The following TLN2 variants were observed in gnomAD, a reference collection of about 807,000 sequenced individuals.
The protein encoded by TLN2 is talin 2.
Under a neutral mutation model 294.7 loss-of-function variants are expected in TLN2, and 118 were observed. The observed-to-expected ratio is 0.40, with a 90% CI of 0.34 to 0.47. TLN2 has a LOEUF of 0.47. Ranked by LOEUF, TLN2 falls within the 20% of genes least tolerant of loss-of-function variation. TLN2 has a pLI of 0.84. For missense variants in TLN2, 3,083 were observed against 3,282.2 expected, an observed-to-expected ratio of 0.94 and a Z score of 1.48; for synonymous variants, 1,431 against 1,304.5, an observed-to-expected ratio of 1.10 and a Z score of -2.09.
intron 1 of TLN2, among the ~76,000 whole-genome samples, chr15:62,485,624 G>A (rs1313658523): frequency 6.6e-6 from 1 of 152,204 alleles, no homozygotes. Flanking sequence ...AATGAAGTGG[G>A]TGGGGACATT....
At chr15:62,529,855 G>T (rs907530140) in intron 1 of TLN2, among the ~76,000 whole-genome samples, 1 of 152,078 alleles carries the variant, frequency 6.6e-6, no homozygotes, top group Non-Finnish European at 1.5e-5. Flanking sequence ...TAACTTATTC[G>T]CCCAGTTCCC....
rs144455448 is a variant in TLN2, at chr15:62,722,476, G to T, written c.3115G>T (p.Ala1039Ser). 2.5e-6 allele frequency: 4 copies of T among 1,610,814 alleles called. No individual in the cohort carries two copies. In the African/African-American group the frequency reaches 5.3e-5, roughly 22 times the overall value. Residue 1039 changes from alanine (A) to serine (S), a missense_variant, in exon 26 of 59, where the codon GCC (alanine) becomes TCC (serine). By Grantham distance (99) the Ala-to-Ser change is moderately conservative (BLOSUM62 1). Transcript: ENST00000636159. Reference sequence around the variant, plus strand: ...CACCAGCTTGGCGGAGCTGCGTACCGCCTCGCAGAAGGCAAGTGGAGCGTG... The same window carrying T: ...CACCAGCTTGGCGGAGCTGCGTACCTCCTCGCAGAAGGCAAGTGGAGCGTG... Reference protein sequence around the residue: ...LATSLAELRTASQKAHEACGP... With the variant: ...LATSLAELRTSSQKAHEACGP...
chr15:62,481,239 T>C (rs935591719), intron 1 of TLN2, among the ~76,000 whole-genome samples: 1 of 151,974 alleles, frequency 6.6e-6, no homozygotes, highest in East Asian at 1.9e-4. Context: ...TTTCTCTTGC[T>C]GAGAGAGTCT....
intron 11 of TLN2, among the ~76,000 whole-genome samples, chr15:62,677,090 A>C (rs2056297539): frequency 6.6e-6 from 1 of 152,184 alleles, no homozygotes; most frequent in South Asian, 2.1e-4. Flanking sequence ...AGAGGTAGTC[A>C]CCTGCTTCCA....
chr15:62,585,743 A>C (rs976446526), intron 1 of TLN2, among the ~76,000 whole-genome samples: 1 of 152,170 alleles, frequency 6.6e-6, no homozygotes, highest in Non-Finnish European at 1.5e-5. Context: ...ATAAGCTCCT[A>C]TTTGCTTGGA....
chr15:62,506,598 G>T (rs1047112867), intron 1 of TLN2, among the ~76,000 whole-genome samples: 1 of 152,192 alleles, frequency 6.6e-6, no homozygotes, highest in South Asian at 2.1e-4. Flanking sequence ...TCCCATGGAG[G>T]TTGGGGGAGT....
intron 1 of TLN2, among the ~76,000 whole-genome samples, chr15:62,550,227 C>T (rs952957875): frequency 6.6e-6 from 1 of 152,000 alleles, no homozygotes; most frequent in African/African-American, 2.4e-5. Flanking sequence ...ATGTAATGTC[C>T]AACAGAGCAT....
intron 22 of TLN2, among the ~76,000 whole-genome samples, chr15:62,713,774 G>A (rs4775531): frequency 6.6e-6 from 1 of 152,016 alleles, no homozygotes; most frequent in Non-Finnish European, 1.5e-5. Flanking sequence ...AGAGTTCTTA[G>A]AGACACCTCG....
intron 37 of TLN2, among the ~76,000 whole-genome samples, chr15:62,760,543 C>T (rs2062596561): frequency 6.6e-6 from 1 of 152,142 alleles, no homozygotes; most frequent in Non-Finnish European, 1.5e-5. Context: ...CTTCTGCAAA[C>T]ATAACTGCCT....
In TLN2 at chr15:62,841,116, C is replaced by T. The variant is rs1425601877; in HGVS notation, c.*506C>T. On this transcript the variant is annotated 3_prime_UTR_variant, in exon 59 of 59. Transcript: ENST00000636159. The stretch of plus-strand genomic sequence containing the variant: ...GGACTCCGGGAGGGTGACTCAGGTC[C>T]TCCTTCCATGTCTTGAGCACTGGCT... 6.5e-6 allele frequency: 1 copy of T among 152,842 alleles called. No homozygotes were observed. Among genetic ancestry groups the T allele is most frequent in the Non-Finnish European group, 1.5e-5 (1 of 68,252 alleles). The allele number at this position is 152,842 out of a possible 1,614,324, so 9.5% of individuals were successfully genotyped here. A position where few individuals can be genotyped will look rare whatever the true frequency, so the allele number is the denominator to read the frequency against.
At chr15:62,803,521 A>G (rs901959675) in intron 50 of TLN2, among the ~76,000 whole-genome samples, 2 of 151,964 alleles carry the variant, frequency 1.3e-5, no homozygotes, top group Non-Finnish European at 2.9e-5. Context: ...TGTCTCCTCT[A>G]TGTTTTCAAA....
At position 62,771,093 on chromosome 15, in the gene TLN2, C is replaced by A; in HGVS notation, c.5326C>A (p.Gln1776Lys). Residue 1776 changes from glutamine to lysine, a missense_variant, in exon 42 of 59, where the codon CAG becomes AAG. Coordinates refer to ENST00000636159, the MANE Select transcript of TLN2 (RefSeq NM_015059.3). Reference sequence around the variant, plus strand: ...CAAGACTCTCGCAGAGTCTGCCTTGCAGATGTTGTATGCAGCCAAAGAAGG... The same window carrying A: ...CAAGACTCTCGCAGAGTCTGCCTTGAAGATGTTGTATGCAGCCAAAGAAGG... ...QTKTLAESAL[Q>K]MLYAAKEGGG... 1 of 1,613,236 alleles carries A rather than the reference C, an allele frequency of 6.2e-7. No homozygotes were observed. Among genetic ancestry groups the A allele is most frequent in the South Asian group, 1.1e-5 (1 of 90,910 alleles).
intron 1 of TLN2, among the ~76,000 whole-genome samples, chr15:62,405,932 C>G (rs559479739): frequency 6.6e-6 from 1 of 152,162 alleles, no homozygotes; most frequent in Non-Finnish European, 1.5e-5. Flanking sequence ...AATGCCTTGT[C>G]GGGCTGAGCT....
At chr15:62,726,200 A>G (rs989481337) in intron 27 of TLN2, among the ~76,000 whole-genome samples, 1 of 152,192 alleles carries the variant, frequency 6.6e-6, no homozygotes, top group Non-Finnish European at 1.5e-5. Context: ...ATGCAGGAAA[A>G]CATCATGAAT....
At chr15:62,595,893 G>A (rs115813808) in intron 2 of TLN2, among the ~76,000 whole-genome samples, 2,054 of 152,262 alleles carry the variant, frequency 0.013, 51 homozygotes, top group African/African-American at 0.047. Context: ...CCAGTGCTGG[G>A]GAGATGTTGT....
intron 2 of TLN2, among the ~76,000 whole-genome samples, chr15:62,612,152 A>G (rs1006480167): frequency 1.3e-5 from 2 of 152,138 alleles, no homozygotes; most frequent in African/African-American, 2.4e-5. Flanking sequence ...TATTAAATAT[A>G]TGTTGATTTG....
intron 1 of TLN2, among the ~76,000 whole-genome samples, chr15:62,471,243 G>A (rs537288265): frequency 1.3e-5 from 2 of 152,292 alleles, no homozygotes; most frequent in East Asian, 1.9e-4. Context: ...GGACTGAGAG[G>A]TGGGAGGATC....
chr15:62,506,674 A>T (rs547427056), intron 1 of TLN2, among the ~76,000 whole-genome samples: 29 of 152,316 alleles, frequency 1.9e-4, no homozygotes, highest in African/African-American at 6.5e-4. Context: ...GGTCTTGCAT[A>T]CTTTGATATG....
intron 12 of TLN2, among the ~76,000 whole-genome samples, chr15:62,689,496 T>C (rs1276861332): frequency 6.6e-6 from 1 of 152,200 alleles, no homozygotes; most frequent in Admixed American, 6.5e-5. Flanking sequence ...CTTTCTAAAG[T>C]TCCCAGCCTT....
Sources: gnomAD v4.1 joint callset for allele counts (sites outside exome capture counted in the v4.1 genomes callset) on GRCh38, gnomAD v4.1.1 for gene constraint, MANE v1.5 for transcripts, NCBI Gene and HGNC (gene_info 2026-07-23, HGNC 2026-07-21) for gene names.